KCNIP4: variants seen among roughly 807,000 people sequenced by gnomAD.
KCNIP4 encodes Kv channel-interacting protein 4.
Under a neutral mutation model 34.0 loss-of-function variants are expected in KCNIP4, and 12 were observed. The observed-to-expected ratio is 0.35, with a 90% CI of 0.23 to 0.57. KCNIP4 has a LOEUF of 0.57. Ranked by LOEUF, KCNIP4 falls within the 20% of genes least tolerant of loss-of-function variation. The pLI is 0.83. For missense variants in KCNIP4, 238 were observed against 311.7 expected, an observed-to-expected ratio of 0.76 and a Z score of 1.78; for synonymous variants, 124 against 102.2, an observed-to-expected ratio of 1.21 and a Z score of -1.29.
chr4:21,692,523 T>G (rs905598439), intron 1 of KCNIP4, among the ~76,000 whole-genome samples: 1 of 152,222 alleles, frequency 6.6e-6, no homozygotes, highest in Non-Finnish European at 1.5e-5. Flanking sequence ...GGCAGTCAAG[T>G]GTAAACATCA....
intron 1 of KCNIP4, among the ~76,000 whole-genome samples, chr4:21,320,243 C>T (rs1714225144): frequency 6.6e-6 from 1 of 152,222 alleles, no homozygotes; most frequent in Admixed American, 6.5e-5. Flanking sequence ...TTGGAGGGAA[C>T]AGGCATCTAA....
chr4:21,921,985 C>T (rs973933454), intron 1 of KCNIP4, among the ~76,000 whole-genome samples: 8 of 152,166 alleles, frequency 5.3e-5, no homozygotes, highest in African/African-American at 1.7e-4. Context: ...CCGGCTCCCA[C>T]CTACCTCACT....
chr4:21,226,690 A>G (rs1758432508), intron 1 of KCNIP4, among the ~76,000 whole-genome samples: 1 of 152,190 alleles, frequency 6.6e-6, no homozygotes, highest in African/African-American at 2.4e-5. Context: ...TTTTTCCACA[A>G]CAATCTACTG....
chr4:21,463,183 C>A lies in KCNIP4; in HGVS notation c.61+485388G>T, dbSNP rs568879918. Among the ~76,000 whole-genome samples, 1,226 of 152,118 alleles carry A rather than the reference C, an allele frequency of 8.1e-3. 13 individuals carry two copies. The highest frequency in any genetic ancestry group is 0.028 in the African/African-American group (1,179 of 41,502). ...CCACATCCTTCCCAACACTTGTTAT[C>A]TTTTGTATTTTTGATAGAAGTCATT... On this transcript the variant is annotated intron_variant, in intron 1 of 8. Coordinates refer to ENST00000382152, the MANE Select transcript of KCNIP4 (RefSeq NM_025221.6).
intron 1 of KCNIP4, among the ~76,000 whole-genome samples, chr4:21,220,217 T>C (rs552546431): frequency 6.6e-6 from 1 of 152,320 alleles, no homozygotes; most frequent in Admixed American, 6.5e-5. Flanking sequence ...ACAGTGACTA[T>C]GTGACTATGT....
At chr4:20,831,244 G>A (rs947114333) in intron 3 of KCNIP4, among the ~76,000 whole-genome samples, 3 of 152,270 alleles carry the variant, frequency 2.0e-5, no homozygotes, top group African/African-American at 7.2e-5. Flanking sequence ...CCAATACTGT[G>A]AAGTGGATAA....
intron 1 of KCNIP4, among the ~76,000 whole-genome samples, chr4:21,234,581 TATAACGTATATAATATATATTACA>T (rs1759202696): frequency 7.3e-6 from 1 of 137,670 alleles, no homozygotes; most frequent in African/African-American, 2.8e-5. Flanking sequence ...ATATATTACA[TATAACGTATATAATATATATTACA>T]TATAACGTAT....
In KCNIP4 at chr4:20,877,669, T is replaced by C. The variant is rs530779373; in HGVS notation, c.163+4939A>G. ...GATGACTATTTCTTTAAAAACCATG[T>C]AGTCCAACTGGCTCTCCTGGGTGCC... On this transcript the variant is annotated intron_variant, in intron 2 of 8. Transcript: ENST00000382152. 8.5e-5 allele frequency among the ~76,000 whole-genome samples: 13 copies of C among 152,312 alleles called. No homozygotes were observed. In the South Asian group the frequency reaches 2.7e-3, roughly 32 times the overall value.
intron 1 of KCNIP4, among the ~76,000 whole-genome samples, chr4:21,062,057 C>A (rs1743972332): frequency 6.6e-6 from 1 of 152,146 alleles, no homozygotes; most frequent in Admixed American, 6.6e-5. Context: ...TTAAGCCACC[C>A]AATATGTGGT....
intron 1 of KCNIP4, among the ~76,000 whole-genome samples, chr4:20,992,411 C>T (rs1183452981): frequency 1.3e-5 from 2 of 152,084 alleles, no homozygotes; most frequent in Admixed American, 6.5e-5. Flanking sequence ...CCTGGTCCCG[C>T]CCTTGACATG....
chr4:21,416,853 G>A (rs1577328561), intron 1 of KCNIP4, among the ~76,000 whole-genome samples: 1 of 152,086 alleles, frequency 6.6e-6, no homozygotes, highest in South Asian at 2.1e-4. Flanking sequence ...ACTTGTTCAG[G>A]ACTCAGACAG....
At chr4:21,220,047 A>G (rs75271787) in intron 1 of KCNIP4, among the ~76,000 whole-genome samples, 1 of 152,190 alleles carries the variant, frequency 6.6e-6, no homozygotes, top group Non-Finnish European at 1.5e-5. Context: ...AAGAATAATG[A>G]AACACAAAGA....
intron 1 of KCNIP4, among the ~76,000 whole-genome samples, chr4:21,935,248 C>T (rs1186107767): frequency 1.3e-5 from 2 of 152,104 alleles, no homozygotes; most frequent in Non-Finnish European, 2.9e-5. Context: ...TTGATGACTT[C>T]TCAATGACCT....
intron 1 of KCNIP4, among the ~76,000 whole-genome samples, chr4:20,996,275 A>G (rs1456990280): frequency 6.6e-6 from 1 of 152,136 alleles, no homozygotes; most frequent in Non-Finnish European, 1.5e-5. Context: ...CCTAAGGTCT[A>G]TTTTTACACA....
chr4:21,137,490 A>T (rs1488210913), intron 1 of KCNIP4, among the ~76,000 whole-genome samples: 2 of 152,270 alleles, frequency 1.3e-5, no homozygotes, highest in African/African-American at 4.8e-5. Flanking sequence ...ATCTTTAGTT[A>T]AAAAAAGAGG....
intron 3 of KCNIP4, among the ~76,000 whole-genome samples, chr4:20,793,617 G>A (rs1235881478): frequency 6.6e-6 from 1 of 152,084 alleles, no homozygotes; most frequent in Non-Finnish European, 1.5e-5. Flanking sequence ...TTCCACGGAT[G>A]GGGTGGGATG....
chr4:20,972,946 T>A (rs1367040786), intron 1 of KCNIP4, among the ~76,000 whole-genome samples: 1 of 152,146 alleles, frequency 6.6e-6, no homozygotes, highest in Non-Finnish European at 1.5e-5. Flanking sequence ...CTAGAACAAA[T>A]GAGGACTAAC....
At chr4:21,272,212 G>C (rs1762194260) in intron 1 of KCNIP4, among the ~76,000 whole-genome samples, 1 of 152,076 alleles carries the variant, frequency 6.6e-6, no homozygotes, top group Admixed American at 6.6e-5. Context: ...CAGGATAATA[G>C]CAGTACCGAC....
At position 21,935,848 on chromosome 4, in the gene KCNIP4, G is replaced by A. The variant is rs567194414; in HGVS notation, c.61+12723C>T. The stretch of plus-strand genomic sequence containing the variant: ...TATGCATTAATTCAGTTAATCCTCA[G>A]TGCAACCTGGTGATATAGGTTCTCT... On this transcript the variant is annotated intron_variant, in intron 1 of 8. Coordinates refer to ENST00000382152, the MANE Select transcript of KCNIP4 (RefSeq NM_025221.6). Among the ~76,000 whole-genome samples, 3 of 152,030 alleles carry A rather than the reference G, an allele frequency of 2.0e-5. No homozygotes were observed. In the South Asian group the frequency reaches 6.2e-4, roughly 32 times the overall value.
Sources: gnomAD v4.1 joint callset for allele counts (sites outside exome capture counted in the v4.1 genomes callset) on GRCh38, gnomAD v4.1.1 for gene constraint, MANE v1.5 for transcripts, NCBI Gene and HGNC (gene_info 2026-07-23, HGNC 2026-07-21) for gene names.